Variants in RFTN1 observed in about 807,000 individuals in gnomAD.
RFTN1 encodes the protein raftlin.
Under a neutral mutation model 46.5 loss-of-function variants are expected in RFTN1, and 26 were observed. The ratio of observed to expected loss-of-function variants is 0.56; its 90% confidence interval spans 0.41 to 0.78. The LOEUF (loss-of-function observed/expected upper bound fraction) is 0.78. Among genes scored for constraint, RFTN1 ranks in the 30% least tolerant of loss-of-function variants. RFTN1 has a pLI of 0.00. For synonymous variants in RFTN1, 261 were observed against 284.2 expected, an observed-to-expected ratio of 0.92 and a Z score of 0.82; for missense variants, 693 against 718.7, an observed-to-expected ratio of 0.96 and a Z score of 0.41.
chr3:16,326,952 T>A, intron 7 of RFTN1, 76 bp from the exon 8 acceptor site: 1 of 1,103,084 alleles, frequency 9.1e-7, no homozygotes. Context: ...GACTATTCAG[T>A]CTGCCAATCC....
In RFTN1 at chr3:16,353,721, A is replaced by G. The variant is rs903106957; in HGVS notation, c.1146+4211T>C. On this transcript the variant is annotated intron_variant, in intron 7 of 9. Transcript: ENST00000334133. The surrounding 1 kb of genome is among the most constrained non-coding windows in gnomAD (Gnocchi z 5.4). ...CTGATTGAACAGGATTAGTGTCCTT[A>G]TAAGAAGAGACACCAGAGTAGCCCC... 5.9e-5 allele frequency among the ~76,000 whole-genome samples: 9 copies of G among 152,164 alleles called. No individual in the cohort carries two copies. The highest frequency in any genetic ancestry group is 2.0e-4 in the Admixed American group (3 of 15,266).
rs2076864912 is a variant in RFTN1, at chr3:16,509,612, A to C, written c.-9+3830T>G. 6.6e-6 allele frequency among the ~76,000 whole-genome samples: 1 copy of C among 152,198 alleles called. No homozygotes were observed. On this transcript the variant is annotated intron_variant, in intron 1 of 9. Coordinates refer to ENST00000334133, the MANE Select transcript of RFTN1 (RefSeq NM_015150.2). The surrounding 1 kb of genome is among the most constrained non-coding windows in gnomAD (Gnocchi z 4.9). ...GTAATAAAGAGAACAGTGTTAATACAATGAAAGTTTACACTGAACAAAATT... is the reference window on the plus strand; with the variant it reads ...GTAATAAAGAGAACAGTGTTAATACCATGAAAGTTTACACTGAACAAAATT...
rs537479013 is a variant in RFTN1, at chr3:16,446,300, A to C, written c.146-12263T>G. On this transcript the variant is annotated intron_variant, in intron 2 of 9. Transcript: ENST00000334133. This position sits in a 1 kb window ranked among gnomAD's most constrained non-coding sequence, Gnocchi z 4.5. ...GGAAACCTAGAAACCTTTAAAAAAA[A>C]AAAAACTGTGGTAAAATATGCCTAA... Among the ~76,000 whole-genome samples the C allele has an allele frequency of 3.3e-5, 5 of 152,192 alleles. No individual in the cohort carries two copies. The highest frequency in any genetic ancestry group is 3.4e-3 in the Middle Eastern group (1 of 294).
rs567162447 is a variant in RFTN1, at chr3:16,493,485, G to C, written c.145+240C>G. 2.3e-3 allele frequency among the ~76,000 whole-genome samples: 355 copies of C among 152,190 alleles called. 2 individuals are homozygous for C. The highest frequency in any genetic ancestry group is 8.3e-3 in the African/African-American group (344 of 41,540). ...TGACCTCAGGTGATCCACCCGCCTC[G>C]GCCTCCCAAAGTGCTGGGATTACAG... On this transcript the variant is annotated intron_variant, in intron 2 of 9. Coordinates refer to ENST00000334133, the MANE Select transcript of RFTN1 (RefSeq NM_015150.2).
chr3:16,352,208 C>T lies in RFTN1; in HGVS notation c.1146+5724G>A, dbSNP rs1030901450. 9.2e-5 allele frequency among the ~76,000 whole-genome samples: 14 copies of T among 152,184 alleles called. No individual in the cohort carries two copies. Among genetic ancestry groups the T allele is most frequent in the Admixed American group, 2.0e-4 (3 of 15,280 alleles). ...TACTCTCTTATGTTCCATTCTGGCA[C>T]CAAATTTCACGATAAGCACTGATAT... On this transcript the variant is annotated intron_variant, in intron 7 of 9. Coordinates refer to ENST00000334133, the MANE Select transcript of RFTN1 (RefSeq NM_015150.2). This position sits in a 1 kb window ranked among gnomAD's most constrained non-coding sequence, Gnocchi z 4.6.
Position 16,357,969 on chromosome 3 carries a change from T to C in RFTN1, c.1109A>G (p.Tyr370Cys). The stretch of plus-strand genomic sequence containing the variant: ...CCATTGTTCAACCACAATAGCATCA[T>C]AGCCCTGTATGGTTTTGCTATCTTC... The part of the protein sequence containing the change: ...STEDSKTIQG[Y>C]DAIVVEQWTV... Residue 370 changes from tyrosine (Y) to cysteine (C), a missense_variant, in exon 7 of 10, where the codon TAT (tyrosine) becomes TGT (cysteine). By Grantham distance (194) the Tyr-to-Cys change is radical. Transcript: ENST00000334133. 1.9e-6 allele frequency: 3 copies of C among 1,612,430 alleles called. No individual in the cohort carries two copies. The highest frequency in any genetic ancestry group is 2.5e-6 in the Non-Finnish European group (3 of 1,179,486).
intron 7 of RFTN1, among the ~76,000 whole-genome samples, chr3:16,332,838 T>TCTAC (rs10662085): frequency 0.51 from 76,851 of 151,214 alleles, 19,534 homozygotes; most frequent in African/African-American, 0.54. Context: ...CATCGATTTA[T>TCTAC]CTACCTACCT....
Position 16,459,676 on chromosome 3 carries a change from C to A in RFTN1, c.146-25639G>T, listed in dbSNP as rs2075975112. Among the ~76,000 whole-genome samples, 1 of 152,072 alleles carries A rather than the reference C, an allele frequency of 6.6e-6. No individual in the cohort carries two copies. Among genetic ancestry groups the A allele is most frequent in the African/African-American group, 2.4e-5 (1 of 41,412 alleles). On this transcript the variant is annotated intron_variant, in intron 2 of 9. Coordinates refer to ENST00000334133, the MANE Select transcript of RFTN1 (RefSeq NM_015150.2). This position sits in a 1 kb window ranked among gnomAD's most constrained non-coding sequence, Gnocchi z 4.2. ...CATTCAAAATTTTCTTAAAATTTTT[C>A]TTAAAAATTCTAGTCCATGTGCAGA...
chr3:16,487,060 A>G (rs1040190338), intron 2 of RFTN1, among the ~76,000 whole-genome samples: 2 of 152,216 alleles, frequency 1.3e-5, no homozygotes, highest in Non-Finnish European at 2.9e-5. Context: ...AGCCCTGACC[A>G]GAACCCAACC....
At chr3:16,411,100 G>C (rs552180762) in intron 3 of RFTN1, among the ~76,000 whole-genome samples, 1 of 152,112 alleles carries the variant, frequency 6.6e-6, no homozygotes, top group Non-Finnish European at 1.5e-5. Context: ...GTGGAGGAGG[G>C]AGCAGAGCCC....
rs1433371878 is a variant in RFTN1, at chr3:16,507,209, A to G, written c.-9+6233T>C. On this transcript the variant is annotated intron_variant, in intron 1 of 9. Transcript: ENST00000334133. This position sits in a 1 kb window ranked among gnomAD's most constrained non-coding sequence, Gnocchi z 7.1. ...CATAGAAAGAGCAGTATAAATATTA[A>G]CCGTTTTAGTACTCTACTGGGATTA... is the stretch of plus-strand genomic sequence containing the variant. Among the ~76,000 whole-genome samples, 1 of 152,122 alleles carries G rather than the reference A, an allele frequency of 6.6e-6. No homozygotes were observed. The highest frequency in any genetic ancestry group is 1.5e-5 in the Non-Finnish European group (1 of 68,024).
intron 3 of RFTN1, among the ~76,000 whole-genome samples, chr3:16,420,945 A>C (rs973750219): frequency 6.6e-6 from 1 of 152,196 alleles, no homozygotes; most frequent in South Asian, 2.1e-4. Flanking sequence ...CTGCTGGTGC[A>C]TGGACCACAC....
rs1355250690 is a variant in RFTN1 at position 16,338,588 on chromosome 3, A to C, written c.1147-11712T>G. On this transcript the variant is annotated intron_variant, in intron 7 of 9. Coordinates refer to ENST00000334133, the MANE Select transcript of RFTN1 (RefSeq NM_015150.2). This position sits in a 1 kb window ranked among gnomAD's most constrained non-coding sequence, Gnocchi z 5.3. ...GTTTGATAACAATTAAAAAAGAAAC[A>C]TTTTCTCCATCCAGAGACTTGCCAG... 6.6e-6 allele frequency among the ~76,000 whole-genome samples: 1 copy of C among 152,086 alleles called. No individual in the cohort carries two copies.
At chr3:16,444,187 A>G (rs2075684969) in intron 2 of RFTN1, among the ~76,000 whole-genome samples, 1 of 152,212 alleles carries the variant, frequency 6.6e-6, no homozygotes, top group Admixed American at 6.5e-5. Flanking sequence ...GAATGTTTTA[A>G]GCCATTTTCC....
chr3:16,366,394 T>C (rs1380389429), intron 6 of RFTN1, among the ~76,000 whole-genome samples: 1 of 152,162 alleles, frequency 6.6e-6, no homozygotes, highest in Non-Finnish European at 1.5e-5. Flanking sequence ...CTGGCCTTCA[T>C]CTCACTGGCC....
In RFTN1 at chr3:16,335,323, T is replaced by C. The variant is rs2070740133; in HGVS notation, c.1147-8447A>G. On this transcript the variant is annotated intron_variant, in intron 7 of 9. Coordinates refer to ENST00000334133, the MANE Select transcript of RFTN1 (RefSeq NM_015150.2). This position sits in a 1 kb window ranked among gnomAD's most constrained non-coding sequence, Gnocchi z 4.7. ...GGGGTGAGCAGAAGATGAACGAAAA[T>C]GGGCTGAGTGGGAAGGAATCAGCCC... Among the ~76,000 whole-genome samples the C allele has an allele frequency of 6.6e-6, 1 of 152,004 alleles. No individual in the cohort carries two copies. Among genetic ancestry groups the C allele is most frequent in the Non-Finnish European group, 1.5e-5 (1 of 67,994 alleles).
Position 16,506,662 on chromosome 3 carries a change from A to C in RFTN1, c.-9+6780T>G, listed in dbSNP as rs1434007191. Among the ~76,000 whole-genome samples, 1 of 151,922 alleles carries C rather than the reference A, an allele frequency of 6.6e-6. No homozygotes were observed. Among genetic ancestry groups the C allele is most frequent in the South Asian group, 2.1e-4 (1 of 4,814 alleles). ...GGGTAGAAGAAGCCAGGAGTTAGCC[A>C]TGTTAACTCCACCCAAGCAGAGGTA... On this transcript the variant is annotated intron_variant, in intron 1 of 9. Transcript: ENST00000334133. This position sits in a 1 kb window ranked among gnomAD's most constrained non-coding sequence, Gnocchi z 4.8.
chr3:16,508,221 T>A (rs1330364044), intron 1 of RFTN1, among the ~76,000 whole-genome samples: 1 of 152,186 alleles, frequency 6.6e-6, no homozygotes, highest in Non-Finnish European at 1.5e-5. Context: ...GTACCAGCCC[T>A]CCACTGTCCC....
At chr3:16,497,486 G>A (rs538640524) in intron 1 of RFTN1, among the ~76,000 whole-genome samples, 8 of 152,156 alleles carry the variant, frequency 5.3e-5, no homozygotes, top group Non-Finnish European at 1.0e-4. Flanking sequence ...AATGGGTAGC[G>A]GCAGGTTCTC....
Sources: gnomAD v4.1 joint callset for allele counts (sites outside exome capture counted in the v4.1 genomes callset) on GRCh38, gnomAD v4.1.1 for gene constraint, Gnocchi (gnomAD v3.1) non-coding constraint, MANE v1.5 for transcripts, NCBI Gene and HGNC (gene_info 2026-07-23, HGNC 2026-07-21) for gene names.